The following GSG1L variants were observed in gnomAD, a reference collection of about 807,000 sequenced individuals.
GSG1L encodes germ cell-specific gene 1-like protein.
Under a neutral mutation model 42.1 loss-of-function variants are expected in GSG1L, and 24 were observed. That is an observed-to-expected ratio of 0.57 (90% CI 0.41 to 0.80). GSG1L has a LOEUF of 0.80. Among genes scored for constraint, GSG1L ranks in the 30% least tolerant of loss-of-function variants. The pLI is 0.00. For missense variants in GSG1L, 445 were observed against 472.2 expected, an observed-to-expected ratio of 0.94 and a Z score of 0.53; for synonymous variants, 215 against 203.5, an observed-to-expected ratio of 1.06 and a Z score of -0.48.
intron 5 of GSG1L, among the ~76,000 whole-genome samples, chr16:27,818,976 G>A (rs182663042): frequency 1.3e-5 from 2 of 152,156 alleles, no homozygotes; most frequent in Non-Finnish European, 2.9e-5. Context: ...TCGGCCGGGC[G>A]CGGTGGCTCA....
Position 28,063,083 on chromosome 16 carries a change from G to T in GSG1L, c.342C>A (p.Ser114Arg). 5 of 1,428,974 alleles carry T rather than the reference G, an allele frequency of 3.5e-6. No individual in the cohort carries two copies. Among genetic ancestry groups the T allele is most frequent in the Non-Finnish European group, 3.7e-6 (4 of 1,085,456 alleles). The allele number at this position is 1,428,974 out of a possible 1,614,324, so 88.5% of individuals were successfully genotyped here. Residue 114 changes from serine (S) to arginine (R), a missense_variant, in exon 1 of 7, where the codon AGC (serine) becomes AGA (arginine). Coordinates refer to ENST00000447459, the MANE Select transcript of GSG1L (RefSeq NM_001109763.2). This position sits in a 1 kb window ranked among gnomAD's most constrained non-coding sequence, Gnocchi z 5.8. ...CCGCCCGCGCGCACTCACCAAGCCCGCTGAGCTCCTCCTCGCACGAGTACC... is the reference window on the plus strand; with the variant it reads ...CCGCCCGCGCGCACTCACCAAGCCCTCTGAGCTCCTCCTCGCACGAGTACC... ...GIWYSCEEEL[S>R]GLGEKCRSFI...
chr16:28,034,460 G>A (rs1247895320), intron 1 of GSG1L, among the ~76,000 whole-genome samples: 2 of 152,188 alleles, frequency 1.3e-5, no homozygotes, highest in Non-Finnish European at 2.9e-5. Context: ...AGGTAGCGGG[G>A]CTTCAGTCTC....
chr16:27,846,733 T>C (rs2083447768), intron 3 of GSG1L, among the ~76,000 whole-genome samples: 1 of 152,054 alleles, frequency 6.6e-6, no homozygotes, highest in Non-Finnish European at 1.5e-5. Context: ...GGCATGCGGA[T>C]CACGAGGTCA....
intron 3 of GSG1L, among the ~76,000 whole-genome samples, chr16:27,853,025 A>G (rs985037069): frequency 6.6e-6 from 1 of 152,232 alleles, no homozygotes; most frequent in Non-Finnish European, 1.5e-5. Flanking sequence ...AGGAGCAACC[A>G]GGAGAAGCTG....
At chr16:27,938,919 T>A (rs180937183) in intron 2 of GSG1L, among the ~76,000 whole-genome samples, 3 of 152,162 alleles carry the variant, frequency 2.0e-5, no homozygotes, top group African/African-American at 4.8e-5. Flanking sequence ...TCTGAATGTG[T>A]TCCAGCCTCC....
intron 6 of GSG1L, among the ~76,000 whole-genome samples, chr16:27,803,680 A>C (rs1429346749): frequency 6.6e-6 from 1 of 151,746 alleles, no homozygotes; most frequent in Non-Finnish European, 1.5e-5. Flanking sequence ...CTGCAACAGC[A>C]AAACATTTTG....
rs116263632 is a variant in GSG1L at position 27,791,069 on chromosome 16, T to C, written c.*301A>G. The stretch of plus-strand genomic sequence containing the variant: ...CCAGCCATTCAGTGGCCAGTGGCCA[T>C]GTGTCTCCTGGCATCGCAGCTGTGC... On this transcript the variant is annotated 3_prime_UTR_variant, in exon 7 of 7. Coordinates refer to ENST00000447459, the MANE Select transcript of GSG1L (RefSeq NM_001109763.2). The C allele has an allele frequency of 6.6e-3, 1,752 of 264,368 alleles. 24 individuals carry two copies. The highest frequency in any genetic ancestry group is 0.031 in the African/African-American group (1,411 of 45,568). The allele number at this position is 264,368 out of a possible 1,614,324, so 16.4% of individuals were successfully genotyped here.
In GSG1L at chr16:27,787,609, T is replaced by C. The variant is rs1441440011; in HGVS notation, c.*3761A>G. 1 of 152,262 alleles carries C rather than the reference T, an allele frequency of 6.6e-6. No homozygotes were observed. Among genetic ancestry groups the C allele is most frequent in the Non-Finnish European group, 1.5e-5 (1 of 68,044 alleles). The allele number at this position is 152,262 out of a possible 1,614,324, so 9.4% of individuals were successfully genotyped here. A position where few individuals can be genotyped will look rare whatever the true frequency, so the allele number is the denominator to read the frequency against. On this transcript the variant is annotated 3_prime_UTR_variant, in exon 7 of 7. Coordinates refer to ENST00000447459, the MANE Select transcript of GSG1L (RefSeq NM_001109763.2). ...TACTTAAATGCCTATTTTGGTTTCA[T>C]CCTAAGCAGTAACGTCTGTGAAGTC...
chr16:27,966,055 T>C (rs559071592), intron 1 of GSG1L, among the ~76,000 whole-genome samples: 2 of 152,380 alleles, frequency 1.3e-5, no homozygotes, highest in East Asian at 3.9e-4. Flanking sequence ...GGCATTCTCC[T>C]GCCTCAGGGC....
chr16:28,028,479 C>T (rs2085924078), intron 1 of GSG1L, among the ~76,000 whole-genome samples: 1 of 151,858 alleles, frequency 6.6e-6, no homozygotes, highest in African/African-American at 2.4e-5. Flanking sequence ...CTGCTTGTGG[C>T]TTTTAAACTC....
At chr16:28,029,549 A>ATGGATGCATGGG (rs1243783532) in intron 1 of GSG1L, among the ~76,000 whole-genome samples, 2 of 151,468 alleles carry the variant, frequency 1.3e-5, no homozygotes, top group Non-Finnish European at 2.9e-5. Context: ...GGATGGATGG[A>ATGGATGCATGGG]TGGATGGATG....
intron 5 of GSG1L, among the ~76,000 whole-genome samples, chr16:27,818,589 T>C (rs992738700): frequency 6.6e-6 from 1 of 151,904 alleles, no homozygotes; most frequent in African/African-American, 2.4e-5. Flanking sequence ...TGAACATGTC[T>C]CAGAGGCTAG....
intron 6 of GSG1L, among the ~76,000 whole-genome samples, chr16:27,804,206 C>A (rs577260726): frequency 6.6e-6 from 1 of 152,196 alleles, no homozygotes; most frequent in African/African-American, 2.4e-5. Context: ...CGAACTCCGT[C>A]CCTGTCCTGC....
chr16:27,906,023 G>C (rs1230429758), intron 2 of GSG1L, among the ~76,000 whole-genome samples: 2 of 151,926 alleles, frequency 1.3e-5, no homozygotes, highest in Non-Finnish European at 2.9e-5. Flanking sequence ...CATTTCCTTT[G>C]GTATTTTTAA....
intron 6 of GSG1L, among the ~76,000 whole-genome samples, 171 bp from the exon 7 acceptor site, chr16:27,791,638 T>C (rs1271887669): frequency 6.7e-6 from 1 of 150,046 alleles, no homozygotes; most frequent in Non-Finnish European, 1.5e-5. Context: ...TCTCCACCCA[T>C]CCCTCCCCTG....
chr16:27,838,641 C>T (rs547348899), intron 4 of GSG1L, among the ~76,000 whole-genome samples: 133 of 152,242 alleles, frequency 8.7e-4, no homozygotes, highest in African/African-American at 2.9e-3. Flanking sequence ...CAGGCCCTGC[C>T]CAGTGGGGAG....
chr16:27,963,462 C>G (rs1269683250), intron 1 of GSG1L, among the ~76,000 whole-genome samples: 1 of 152,148 alleles, frequency 6.6e-6, no homozygotes, highest in East Asian at 1.9e-4. Context: ...TCCCTTTCCA[C>G]AGCCTCCCCC....
intron 2 of GSG1L, among the ~76,000 whole-genome samples, chr16:27,959,187 G>C (rs62033516): frequency 0.16 from 23,216 of 147,174 alleles, 2,267 homozygotes; most frequent in Non-Finnish European, 0.22. Flanking sequence ...ACCAGGTGCA[G>C]TGGCTCATGC....
At chr16:28,034,232 CCCATCCCATCCCATCCCA>C in intron 1 of GSG1L, among the ~76,000 whole-genome samples, 1 of 49,384 alleles carries the variant, frequency 2.0e-5, no homozygotes, top group African/African-American at 7.5e-5. Flanking sequence ...CCCATCCCAT[CCCATCCCATCCCATCCCA>C]TCCCATCCCA....
Sources: gnomAD v4.1 joint callset for allele counts (sites outside exome capture counted in the v4.1 genomes callset) on GRCh38, gnomAD v4.1.1 for gene constraint, Gnocchi (gnomAD v3.1) non-coding constraint, MANE v1.5 for transcripts, NCBI Gene and HGNC (gene_info 2026-07-23, HGNC 2026-07-21) for gene names.